Variants in MAD1L1 observed in about 807,000 individuals in gnomAD.
The protein encoded by MAD1L1 is mitotic arrest deficient 1 like 1, also known as mitotic spindle assembly checkpoint protein MAD1.
A neutral mutation model predicts 96.9 loss-of-function variants in MAD1L1; 95 were observed. The observed-to-expected ratio is 0.98, with a 90% CI of 0.83 to 1.16. The LOEUF is 1.16. Ranked by LOEUF, MAD1L1 falls within the 50% of genes most tolerant of loss-of-function variation. The pLI is 0.00. For synonymous variants in MAD1L1, 473 were observed against 396.6 expected (o/e 1.19, Z -2.29); for missense variants, 1,007 against 954.4 (o/e 1.06, Z -0.73).
chr7:2,195,740 C>T (rs1028515342), intron 10 of MAD1L1, among the ~76,000 whole-genome samples: 5 of 152,244 alleles, frequency 3.3e-5, no homozygotes, highest in African/African-American at 1.2e-4. Flanking sequence ...CTTACTCTAC[C>T]TTGCAGAGAG....
chr7:1,889,397 T>C lies in MAD1L1; in HGVS notation c.1998+8803A>G, dbSNP rs939657288. On this transcript the variant is annotated intron_variant, in intron 18 of 18. Transcript: ENST00000265854. ...GGCATCCTCACGGGCACTCTTGCCATTTCCCTGGCCTCTGTACTGCTAGGG... is the reference window on the plus strand; with the variant it reads ...GGCATCCTCACGGGCACTCTTGCCACTTCCCTGGCCTCTGTACTGCTAGGG... Among the ~76,000 whole-genome samples, 4 of 152,308 alleles carry C rather than the reference T, an allele frequency of 2.6e-5. No individual in the cohort carries two copies. The South Asian group carries it at 6.2e-4, about 24-fold the overall frequency.
At chr7:2,008,119 G>T (rs534582805) in intron 13 of MAD1L1, among the ~76,000 whole-genome samples, 1 of 152,232 alleles carries the variant, frequency 6.6e-6, no homozygotes, top group African/African-American at 2.4e-5. Context: ...ATTTTACTGA[G>T]TATAAATCAT....
At chr7:1,903,063 T>A (rs1331849314) in intron 17 of MAD1L1, among the ~76,000 whole-genome samples, 5 of 151,310 alleles carry the variant, frequency 3.3e-5, no homozygotes, top group Non-Finnish European at 4.4e-5. Flanking sequence ...GAAGACACTC[T>A]TGTGGAATTC....
chr7:1,985,618 T>C (rs1489441255), intron 14 of MAD1L1, among the ~76,000 whole-genome samples: 1 of 152,262 alleles, frequency 6.6e-6, no homozygotes, highest in Non-Finnish European at 1.5e-5. Flanking sequence ...CTCCTCCCTC[T>C]GCCATCCTGA....
intron 18 of MAD1L1, among the ~76,000 whole-genome samples, chr7:1,839,235 G>A (rs1280101853): frequency 6.6e-6 from 1 of 152,150 alleles, no homozygotes; most frequent in Non-Finnish European, 1.5e-5. Flanking sequence ...GGGGCTAGGT[G>A]GGCTTGCCCG....
chr7:2,045,878 C>T (rs943398081), intron 12 of MAD1L1, among the ~76,000 whole-genome samples: 34 of 152,172 alleles, frequency 2.2e-4, no homozygotes, highest in Non-Finnish European at 4.1e-4. Flanking sequence ...TAAATCCAAA[C>T]GTTCTGCCGA....
chr7:2,124,685 C>G (rs959960890), intron 11 of MAD1L1, among the ~76,000 whole-genome samples: 4 of 152,194 alleles, frequency 2.6e-5, no homozygotes, highest in African/African-American at 9.6e-5. Context: ...TGGGTTCTCA[C>G]ACACCCCGGG....
At chr7:2,042,659 G>A (rs1783740096) in intron 12 of MAD1L1, among the ~76,000 whole-genome samples, 1 of 152,184 alleles carries the variant, frequency 6.6e-6, no homozygotes, top group South Asian at 2.1e-4. Flanking sequence ...AGTGTTGTTG[G>A]AAAGATTCTG....
chr7:2,147,425 C>T (rs945664563), intron 11 of MAD1L1, among the ~76,000 whole-genome samples: 4 of 152,234 alleles, frequency 2.6e-5, no homozygotes, highest in Non-Finnish European at 5.9e-5. Context: ...CAATAAGCCA[C>T]ACGTGGGACA....
intron 18 of MAD1L1, among the ~76,000 whole-genome samples, chr7:1,886,355 ACCAAGGTCATGTCTACAC>A (rs1305076080): frequency 6.6e-6 from 1 of 152,224 alleles, no homozygotes; most frequent in Non-Finnish European, 1.5e-5. Context: ...CAGGGCAGCT[ACCAAGGTCATGTCTACAC>A]CCGTTGGCAG....
At chr7:2,173,688 T>C (rs1464775126) in intron 10 of MAD1L1, among the ~76,000 whole-genome samples, 1 of 152,156 alleles carries the variant, frequency 6.6e-6, no homozygotes, top group Non-Finnish European at 1.5e-5. Context: ...CAGCTGCTTC[T>C]CCCCCAGTGA....
At chr7:2,047,837 ACACATG>A (rs1208198953) in intron 12 of MAD1L1, among the ~76,000 whole-genome samples, 1 of 152,204 alleles carries the variant, frequency 6.6e-6, no homozygotes, top group Non-Finnish European at 1.5e-5. Context: ...GACTCCACAG[ACACATG>A]CACAATCACA....
chr7:2,066,444 T>C (rs1784878212), intron 12 of MAD1L1, among the ~76,000 whole-genome samples: 1 of 152,220 alleles, frequency 6.6e-6, no homozygotes, highest in Non-Finnish European at 1.5e-5. Context: ...GGATCAATCC[T>C]TCGTCAGGAT....
intron 11 of MAD1L1, among the ~76,000 whole-genome samples, chr7:2,094,558 T>C (rs1369114593): frequency 6.6e-6 from 1 of 152,104 alleles, no homozygotes; most frequent in Non-Finnish European, 1.5e-5. Context: ...GAGGTAACAG[T>C]TGTGAAAGAC....
chr7:2,005,365 C>T (rs1446481421), intron 13 of MAD1L1, among the ~76,000 whole-genome samples: 1 of 152,148 alleles, frequency 6.6e-6, no homozygotes, highest in Non-Finnish European at 1.5e-5. Context: ...GTTACACACA[C>T]ACTCGCTCTG....
At chr7:2,136,584 T>C (rs965067364) in intron 11 of MAD1L1, among the ~76,000 whole-genome samples, 3 of 152,178 alleles carry the variant, frequency 2.0e-5, no homozygotes, top group African/African-American at 4.8e-5. Flanking sequence ...TCAGACCAAG[T>C]GCACTCACCT....
chr7:1,818,140 C>A (rs1225168573), intron 18 of MAD1L1, among the ~76,000 whole-genome samples: 3 of 152,092 alleles, frequency 2.0e-5, no homozygotes, highest in African/African-American at 7.2e-5. Context: ...GAATTTCTCC[C>A]CCTAAATGTC....
intron 18 of MAD1L1, among the ~76,000 whole-genome samples, chr7:1,857,083 C>T (rs964940141): frequency 4.6e-5 from 7 of 152,188 alleles, no homozygotes; most frequent in African/African-American, 1.4e-4. Context: ...GCAGGCAGGA[C>T]AGTGTCAGGG....
At chr7:1,935,424 C>T (rs1392579675) in intron 17 of MAD1L1, among the ~76,000 whole-genome samples, 1 of 152,202 alleles carries the variant, frequency 6.6e-6, no homozygotes, top group Admixed American at 6.5e-5. Flanking sequence ...TCCTCCAACC[C>T]CACCATACTA....
Sources: gnomAD v4.1 joint callset for allele counts (sites outside exome capture counted in the v4.1 genomes callset) on GRCh38, gnomAD v4.1.1 for gene constraint, MANE v1.5 for transcripts, NCBI Gene and HGNC (gene_info 2026-07-23, HGNC 2026-07-21) for gene names.